LRRC45: variants seen among roughly 807,000 people sequenced by gnomAD.
LRRC45 encodes the protein leucine-rich repeat-containing protein 45.
A neutral mutation model predicts 85.4 loss-of-function variants in LRRC45; 73 were observed. The observed-to-expected ratio is 0.85, with a 90% CI of 0.71 to 1.04. The LOEUF (loss-of-function observed/expected upper bound fraction) is 1.04, where lower values mean the gene tolerates loss of function less well. LRRC45 is among the 50% of genes least tolerant of loss of function. LRRC45 has a pLI of 0.00. For synonymous variants in LRRC45, 429 were observed against 386.0 expected (o/e 1.11, Z -1.31); for missense variants, 937 against 883.3 (o/e 1.06, Z -0.77).
Position 82,029,581 on chromosome 17 carries a change from T to C in LRRC45, c.1440T>C (p.Arg480=), listed in dbSNP as rs1321577275. Residue 480 remains arginine, a synonymous_variant, in exon 14 of 17, where the codon CGT becomes CGC. Coordinates refer to ENST00000306688, the MANE Select transcript of LRRC45 (RefSeq NM_144999.4). ...SRVKAAALSE[R]GQAEEELIKA... is the part of the protein sequence containing the mutation. The stretch of plus-strand genomic sequence containing the variant: ...TGAAAGCAGCGGCACTCAGCGAGCG[T>C]GGCCAGGCTGAGGAGGAGCTGATCA... 6.3e-7 allele frequency: 1 copy of C among 1,580,766 alleles called. No homozygotes were observed. The highest frequency in any genetic ancestry group is 8.6e-7 in the Non-Finnish European group (1 of 1,164,880).
At chr17:82,025,249 C>T (rs2043358443) in intron 4 of LRRC45, 71 bp downstream of exon 4, 1 of 1,534,524 alleles carries the variant, frequency 6.5e-7, no homozygotes, top group Non-Finnish European at 8.8e-7. Flanking sequence ...AAGTGAGGGG[C>T]TAGGGGACTG....
rs1263302971 is a variant in LRRC45, at chr17:82,030,689, G to C, written c.1897G>C (p.Glu633Gln). Residue 633 changes from glutamate (E) to glutamine (Q), a missense_variant, in exon 17 of 17, where the codon GAG (glutamate) becomes CAG (glutamine). Coordinates refer to ENST00000306688, the MANE Select transcript of LRRC45 (RefSeq NM_144999.4). ...TCTCCGGGAGAAGCTGCGGCTCCGG[G>C]AGGCGGAGATCGCCCGCATCCGGGA... ...ASLREKLRLR[E>Q]AEIARIRDEE... is the part of the protein sequence containing the mutation. 1 of 1,491,956 alleles carries C rather than the reference G, an allele frequency of 6.7e-7. No homozygotes were observed. The highest frequency in any genetic ancestry group is 1.3e-5 in the South Asian group (1 of 75,978). The allele number at this position is 1,491,956 out of a possible 1,614,324, so 92.4% of individuals were successfully genotyped here.
chr17:82,026,564 T>TGTGTGTGTGTGTGTGTG (rs1555644848), intron 5 of LRRC45, among the ~76,000 whole-genome samples: 8 of 137,464 alleles, frequency 5.8e-5, no homozygotes, highest in African/African-American at 2.2e-4. Context: ...CACAGCTCCT[T>TGTGTGTGTGTGTGTGTG]TGTGTGTGTG....
At chr17:82,028,918 A>G (rs2043391787) in intron 12 of LRRC45, 175 bp from the exon 13 acceptor site, 6 of 717,948 alleles carry the variant, frequency 8.4e-6, no homozygotes, top group Non-Finnish European at 1.2e-5. Context: ...ACCAAGGCCC[A>G]CTCGTTCAGG....
chr17:82,028,609 C>T lies in LRRC45; in HGVS notation c.1238-4C>T, dbSNP rs779469872. ...CGCATACTCTGCCCACCCTGGGCTT[C>T]CAGAGCGCCTGGACATGGAGAAGAG... On this transcript the variant is annotated splice_polypyrimidine_tract_variant and splice_region_variant and intron_variant, in intron 11 of 16. Coordinates refer to ENST00000306688, the MANE Select transcript of LRRC45 (RefSeq NM_144999.4). 1 of 1,612,806 alleles carries T rather than the reference C, an allele frequency of 6.2e-7. No individual in the cohort carries two copies. The highest frequency in any genetic ancestry group is 1.1e-5 in the South Asian group (1 of 91,070).
At chr17:82,025,357 G>A in intron 4 of LRRC45, 22 bp from the exon 5 acceptor site, 1 of 1,555,594 alleles carries the variant, frequency 6.4e-7, no homozygotes, top group South Asian at 1.2e-5. Flanking sequence ...ATTCTGTCTG[G>A]TGACTACAGG....
rs2043416904 is a variant in LRRC45, at chr17:82,031,007, T to G, written c.*202T>G. On this transcript the variant is annotated 3_prime_UTR_variant, in exon 17 of 17. Transcript: ENST00000306688. ...GGAAGGGCTCCCTACCGGCCCCTTC[T>G]TCCCGGTCGACGCCACGTGGGAGCA... is the stretch of plus-strand genomic sequence containing the variant. 1.3e-5 allele frequency: 5 copies of G among 399,728 alleles called. No individual in the cohort carries two copies. The highest frequency in any genetic ancestry group is 1.7e-5 in the Non-Finnish European group (4 of 229,310). The allele number at this position is 399,728 out of a possible 1,614,324, so 24.8% of individuals were successfully genotyped here. A position where few individuals can be genotyped will look rare whatever the true frequency, so the allele number is the denominator to read the frequency against.
At chr17:82,029,272 A>T in intron 13 of LRRC45, 87 bp downstream of exon 13, 1 of 1,299,104 alleles carries the variant, frequency 7.7e-7, no homozygotes. Context: ...CCTCAGGACC[A>T]GAGACCTCTT....
intron 5 of LRRC45, 187 bp from the exon 6 acceptor site, chr17:82,026,712 G>A (rs1568014646): frequency 2.3e-6 from 1 of 443,730 alleles, no homozygotes; most frequent in East Asian, 4.6e-5. Context: ...CCGAGTACCT[G>A]GGATTACAGG....
In LRRC45 at chr17:82,028,274, C is replaced by G. The variant is rs1002573889; in HGVS notation, c.1088C>G (p.Ser363Cys). The change falls in exon 10 of 17, where the codon TCT becomes TGT. Residue 363 changes from serine to cysteine, a missense_variant. Ser to Cys is a moderately radical substitution (Grantham distance 112). Coordinates refer to ENST00000306688, the MANE Select transcript of LRRC45 (RefSeq NM_144999.4). The part of the protein sequence containing the change: ...ERESKLLRDL[S>C]AANEKNLLLQ... ...GAGTCTAAACTCCTCAGAGACTTGT[C>G]TGCTGCCAATGAAAAGAACCTGCTT... 6 of 1,582,842 alleles carry G rather than the reference C, an allele frequency of 3.8e-6. No homozygotes were observed. In the African/African-American group the frequency reaches 8.0e-5, roughly 21 times the overall value.
chr17:82,024,695 C>T lies in LRRC45; in HGVS notation c.285C>T (p.Gly95=). The stretch of plus-strand genomic sequence containing the variant: ...CTACCGGCCTGTTTCTCTCCTAGGG[C>T]AACAACCTTCGGGCTGCAGGGGCCG... ...NTVLRFLDLK[G]NNLRAAGAEA... The change falls in exon 3 of 17, where the codon GGC becomes GGT. Residue 95 remains glycine, a splice_region_variant and synonymous_variant. Transcript: ENST00000306688. 1 of 1,571,382 alleles carries T rather than the reference C, an allele frequency of 6.4e-7. No individual in the cohort carries two copies. The highest frequency in any genetic ancestry group is 2.0e-5 in the Admixed American group (1 of 50,180).
chr17:82,025,499 G>T lies in LRRC45; in HGVS notation c.653G>T (p.Arg218Ile). 6.2e-7 allele frequency: 1 copy of T among 1,605,064 alleles called. No individual in the cohort carries two copies. Among genetic ancestry groups the T allele is most frequent in the Non-Finnish European group, 8.5e-7 (1 of 1,175,646 alleles). The change falls in exon 5 of 17, where the codon AGA becomes ATA. Residue 218 changes from arginine to isoleucine, a missense_variant. Coordinates refer to ENST00000306688, the MANE Select transcript of LRRC45 (RefSeq NM_144999.4). ...AACAACATCCCTGGAGACGTCCTCA[G>T]AGCCGTGGGTACGGTGCAGGGCTGT... ...AGNNIPGDVLRAVEQAMGHSQ... is the reference protein window; with the variant it reads ...AGNNIPGDVLIAVEQAMGHSQ...
chr17:82,028,777 G>C, intron 12 of LRRC45, 94 bp downstream of exon 12: 1 of 1,374,506 alleles, frequency 7.3e-7, no homozygotes, highest in Non-Finnish European at 1.0e-6. Context: ...AGCTTCCCTT[G>C]CCAACCTTGG....
At position 82,024,743 on chromosome 17, in the gene LRRC45, A is replaced by G. The variant is rs1598453857; in HGVS notation, c.333A>G (p.Gln111=). Residue 111 remains glutamine (Q), a synonymous_variant, in exon 3 of 17, where the codon CAA becomes CAG. Transcript: ENST00000306688. ...AGAEALGKLL[Q]QNKSIQSLTL... ...CCGAGGCTCTGGGAAAACTCCTCCA[A>G]CAGAACAAGTCCATTCAGAGGTGGG... 6.3e-7 allele frequency: 1 copy of G among 1,579,432 alleles called. No individual in the cohort carries two copies. The highest frequency in any genetic ancestry group is 8.6e-7 in the Non-Finnish European group (1 of 1,166,766).
rs2043345053 is a variant in LRRC45, at chr17:82,024,278, G to A, written c.221G>A (p.Gly74Glu). 6.2e-7 allele frequency: 1 copy of A among 1,611,774 alleles called. No homozygotes were observed. Among genetic ancestry groups the A allele is most frequent in the African/African-American group, 1.3e-5 (1 of 74,920 alleles). ...VLSDCMLSEE[G>E]ATLLLRGLCA... ...GTGACCGCCGGCCCCCCTTACACAG[G>A]GGCCACACTGCTGCTCCGAGGCCTG... Residue 74 changes from glycine (G) to glutamate (E), a missense_variant and splice_region_variant, in exon 2 of 17, where the codon GGG becomes GAG. By Grantham distance (98) the Gly-to-Glu change is moderately conservative (BLOSUM62 -2). Coordinates refer to ENST00000306688, the MANE Select transcript of LRRC45 (RefSeq NM_144999.4).
chr17:82,027,427 G>A lies in LRRC45; in HGVS notation c.816G>A (p.Glu272=). Residue 272 remains glutamate (E), a synonymous_variant, in exon 7 of 17, where the codon GAG becomes GAA. Transcript: ENST00000306688. The stretch of plus-strand genomic sequence containing the variant: ...AGACTATTGATAAGCAGCGAGAAGA[G>A]ATGGCCAAGAGCAGCAGGTGAGCGG... ...LMETIDKQRE[E]MAKSSRASAA... The A allele has an allele frequency of 1.9e-6, 3 of 1,612,762 alleles. 1 individual carries two copies. Among genetic ancestry groups the A allele is most frequent in the African/African-American group, 1.3e-5 (1 of 75,074 alleles).
rs575261866 is a variant in LRRC45 at position 82,030,956 on chromosome 17, CGGGG to C, written c.*153_*156del. 2.5e-4 allele frequency: 137 copies of C among 551,620 alleles called. 1 individual carries two copies. The South Asian group carries it at 0.01, about 40-fold the overall frequency. 34.2% of individuals were successfully genotyped at this position (551,620 alleles called of 1,614,324 possible). ...GCGACTGTTGGTGGTGTCGCGGCTGCGGGGGAACCCCGTGGGAGGCGCCTGGGAA... is the reference window on the plus strand; with the variant it reads ...GCGACTGTTGGTGGTGTCGCGGCTGCGAACCCCGTGGGAGGCGCCTGGGAA... On this transcript the variant is annotated 3_prime_UTR_variant, in exon 17 of 17. Coordinates refer to ENST00000306688, the MANE Select transcript of LRRC45 (RefSeq NM_144999.4).
At position 82,025,071 on chromosome 17, in the gene LRRC45, C is replaced by T; in HGVS notation, c.425C>T (p.Ala142Val). 1 of 1,609,762 alleles carries T rather than the reference C, an allele frequency of 6.2e-7. No homozygotes were observed. The highest frequency in any genetic ancestry group is 8.5e-7 in the Non-Finnish European group (1 of 1,178,584). ...AFATFCGGLA[A>V]NGALQRLDLR... ...GCCACCTTCTGCGGGGGCCTGGCGG[C>T]CAACGGCGCCCTGCAGCGGCTGGAC... Residue 142 changes from alanine (A) to valine (V), a missense_variant, in exon 4 of 17, where the codon GCC (alanine) becomes GTC (valine). Physicochemically the swap from Ala to Val is moderately conservative, Grantham distance 64. Coordinates refer to ENST00000306688, the MANE Select transcript of LRRC45 (RefSeq NM_144999.4).
rs199547820 is a variant in LRRC45 at position 82,026,967 on chromosome 17, C to T, written c.730C>T (p.Leu244Phe). Residue 244 changes from leucine to phenylalanine, a missense_variant, in exon 6 of 17, where the codon CTC becomes TTC. Transcript: ENST00000306688. ...FQENQARTHV[L>F]SKEVQHLREE... ...GGAGAACCAAGCCCGCACTCACGTCCTCAGCAAGGAGGTCCAGCACCTCCG... is the reference window on the plus strand; with the variant it reads ...GGAGAACCAAGCCCGCACTCACGTCTTCAGCAAGGAGGTCCAGCACCTCCG... 5.6e-5 allele frequency: 90 copies of T among 1,607,748 alleles called. No homozygotes were observed. The highest frequency in any genetic ancestry group is 7.4e-5 in the Non-Finnish European group (87 of 1,178,812).
Sources: allele counts gnomAD v4.1 joint callset (sites outside exome capture counted in the v4.1 genomes callset), GRCh38; gene constraint gnomAD v4.1.1; transcripts MANE v1.5; gene names NCBI Gene and HGNC (gene_info 2026-07-23, HGNC 2026-07-21).